Variants in WDR27 observed in about 807,000 individuals in gnomAD.
The protein encoded by WDR27 is WD repeat-containing protein 27.
Under a neutral mutation model 114.4 loss-of-function variants are expected in WDR27, and 100 were observed. The ratio of observed to expected loss-of-function variants is 0.87; its 90% confidence interval spans 0.74 to 1.03. The LOEUF is 1.03. WDR27 is among the 50% of genes least tolerant of loss of function. The pLI is 0.00. For synonymous variants in WDR27, 449 were observed against 423.1 expected, an observed-to-expected ratio of 1.06 and a Z score of -0.75; for missense variants, 1,129 against 1,092.9, an observed-to-expected ratio of 1.03 and a Z score of -0.47.
rs958323560 is a variant in WDR27, at chr6:169,491,530, C to T, written c.2646-33896G>A. Among the ~76,000 whole-genome samples, 3 of 152,046 alleles carry T rather than the reference C, an allele frequency of 2.0e-5. No individual in the cohort carries two copies. The East Asian group carries it at 5.8e-4, about 29-fold the overall frequency. ...AAATATAAGAGAAGAAATAAATTGA[C>T]ATAGCCAGGCTTAAAAGCAAAACAA... On this transcript the variant is annotated intron_variant, in intron 25 of 25. Transcript: ENST00000448612.
intron 3 of WDR27, chr6:169,671,539 T>C (rs375478277): frequency 2.0e-5 from 3 of 152,364 alleles, no homozygotes; most frequent in African/African-American, 7.2e-5. Context: ...AAACTCAAAT[T>C]CCTTAACGTG....
chr6:169,660,831 GCGCCCCC>G (rs1478856784), intron 9 of WDR27, 65 bp from the exon 10 acceptor site: 17 of 1,431,030 alleles, frequency 1.2e-5, no homozygotes. Context: ...GGCCCCACGT[GCGCCCCC>G]TGGCCTGGCT....
chr6:169,573,010 A>G (rs1056663970), intron 24 of WDR27, among the ~76,000 whole-genome samples: 1 of 119,436 alleles, frequency 8.4e-6, no homozygotes, highest in Non-Finnish European at 2.2e-5. Flanking sequence ...ACCAGCCCCC[A>G]AAACAGAGCC....
intron 25 of WDR27, among the ~76,000 whole-genome samples, chr6:169,567,422 T>C (rs1562596558): frequency 6.6e-6 from 1 of 152,086 alleles, no homozygotes; most frequent in Non-Finnish European, 1.5e-5. Context: ...CAGTAAGATG[T>C]CCTCAAGTTC....
intron 25 of WDR27, among the ~76,000 whole-genome samples, chr6:169,521,684 T>G (rs550494896): frequency 1.4e-4 from 21 of 152,176 alleles, no homozygotes; most frequent in Non-Finnish European, 2.5e-4. Context: ...GTAGAGTATT[T>G]TTTTCTTTGT....
At chr6:169,530,191 T>A (rs1795422511) in intron 25 of WDR27, among the ~76,000 whole-genome samples, 3 of 152,198 alleles carry the variant, frequency 2.0e-5, no homozygotes, top group Admixed American at 2.0e-4. Context: ...CCATTAAATA[T>A]AATACGAACC....
rs189878348 is a variant in WDR27, at chr6:169,483,400, C to G, written c.2646-25766G>C. Among the ~76,000 whole-genome samples, 290 of 152,208 alleles carry G rather than the reference C, an allele frequency of 1.9e-3. 1 individual carries two copies. The highest frequency in any genetic ancestry group is 2.6e-3 in the Non-Finnish European group (177 of 67,974). ...ACTACTATGAATACCTCTATGCATACGAACTAGAAAATCTAGAAGAAATGG... is the reference window on the plus strand; with the variant it reads ...ACTACTATGAATACCTCTATGCATAGGAACTAGAAAATCTAGAAGAAATGG... On this transcript the variant is annotated intron_variant, in intron 25 of 25. Transcript: ENST00000448612.
intron 1 of WDR27, among the ~76,000 whole-genome samples, chr6:169,698,873 G>C (rs1018887143): frequency 6.6e-6 from 1 of 152,356 alleles, no homozygotes; most frequent in Admixed American, 6.5e-5. Flanking sequence ...GTAAGCAAGA[G>C]AGAAACATTT....
At chr6:169,511,277 T>C (rs1478359446) in intron 25 of WDR27, among the ~76,000 whole-genome samples, 1 of 152,220 alleles carries the variant, frequency 6.6e-6, no homozygotes, top group Admixed American at 6.5e-5. Context: ...TCTAATACCA[T>C]TCTCTGAATG....
In WDR27 at chr6:169,583,504, TGTATATATACACAC is replaced by T. The variant is rs1245231902; in HGVS notation, c.2425-584_2425-571del. ...GTATATATACATATATATATATATA[TGTATATATACACAC>T]ACACACACACACACACACACACATA... On this transcript the variant is annotated intron_variant, in intron 23 of 25. Transcript: ENST00000448612. Among the ~76,000 whole-genome samples the T allele has an allele frequency of 9.7e-3, 244 of 25,060 alleles. 1 individual carries two copies. Among genetic ancestry groups the T allele is most frequent in the Middle Eastern group, 0.033 (1 of 30 alleles). 16.4% of individuals were successfully genotyped at this position (25,060 alleles called of 152,430 possible).
intron 25 of WDR27, among the ~76,000 whole-genome samples, chr6:169,501,844 G>A (rs1417553046): frequency 2.0e-5 from 3 of 152,246 alleles, no homozygotes; most frequent in Non-Finnish European, 2.9e-5. Flanking sequence ...GCTGGTCGAG[G>A]AGGTGCTAAC....
chr6:169,436,704 C>T, the WDR27 span, among the ~76,000 whole-genome samples: 5 of 151,976 alleles, frequency 3.3e-5, no homozygotes, highest in African/African-American at 1.2e-4. Context: ...AAATCATAGA[C>T]ATTGATAAAA....
intron 22 of WDR27, among the ~76,000 whole-genome samples, chr6:169,611,549 G>A (rs1352940639): frequency 7.9e-5 from 12 of 151,880 alleles, no homozygotes; most frequent in African/African-American, 1.5e-4. Flanking sequence ...CAGGTGATCC[G>A]CCCACCTCGG....
chr6:169,636,450 C>G lies in WDR27; in HGVS notation c.1924G>C (p.Ala642Pro). 6.2e-7 allele frequency: 1 copy of G among 1,613,720 alleles called. No homozygotes were observed. The highest frequency in any genetic ancestry group is 1.1e-5 in the South Asian group (1 of 91,066). ...IQSAQFYYID[A>P]FILLSSGPEF... ...GGGCCAGAAGATAACAATATAAAGGCATCTATATAATAGAACTGTGCAGAC... is the reference window on the plus strand; with the variant it reads ...GGGCCAGAAGATAACAATATAAAGGGATCTATATAATAGAACTGTGCAGAC... Residue 642 changes from alanine to proline, a missense_variant, in exon 19 of 26, where the codon GCC (alanine) becomes CCC (proline). Physicochemically the swap from Ala to Pro is conservative, Grantham distance 27. Coordinates refer to ENST00000448612, the MANE Select transcript of WDR27 (RefSeq NM_182552.5).
At chr6:169,655,313 G>T (rs1263850687) in intron 13 of WDR27, among the ~76,000 whole-genome samples, 1 of 152,236 alleles carries the variant, frequency 6.6e-6, no homozygotes, top group Non-Finnish European at 1.5e-5. Context: ...TGCCATGTGG[G>T]GAACCCCGAG....
chr6:169,549,081 C>T (rs1371543597), intron 25 of WDR27, among the ~76,000 whole-genome samples: 2 of 152,154 alleles, frequency 1.3e-5, no homozygotes, highest in Non-Finnish European at 2.9e-5. Context: ...AAAAACTTCT[C>T]TGAAATGGAT....
At chr6:169,615,719 T>C (rs1401844848) in intron 21 of WDR27, among the ~76,000 whole-genome samples, 1 of 152,064 alleles carries the variant, frequency 6.6e-6, no homozygotes. Context: ...ACACAAGAAC[T>C]GGCAAAGATT....
intron 22 of WDR27, among the ~76,000 whole-genome samples, chr6:169,602,944 C>T (rs1348430707): frequency 6.6e-6 from 1 of 151,034 alleles, no homozygotes; most frequent in East Asian, 2.0e-4. Flanking sequence ...CGGGTTCAAG[C>T]AATTCTCCAG....
intron 25 of WDR27, among the ~76,000 whole-genome samples, chr6:169,514,743 A>G (rs71574966): frequency 1.5e-5 from 2 of 130,406 alleles, no homozygotes; most frequent in East Asian, 4.2e-4. Flanking sequence ...TCTTACTATA[A>G]CAGAAAAAAA....
Sources: gnomAD v4.1 joint callset for allele counts (sites outside exome capture counted in the v4.1 genomes callset) on GRCh38, gnomAD v4.1.1 for gene constraint, MANE v1.5 for transcripts, NCBI Gene and HGNC (gene_info 2026-07-23, HGNC 2026-07-21) for gene names.